The following RPS6KA2 variants were observed in gnomAD, a reference collection of about 807,000 sequenced individuals.
The protein encoded by RPS6KA2 is ribosomal protein S6 kinase A2.
RPS6KA2 carries 42 observed loss-of-function variants against 91.8 expected under a neutral mutation model. The observed-to-expected ratio is 0.46, with a 90% CI of 0.36 to 0.59. The LOEUF is 0.59. Ranked by LOEUF, RPS6KA2 falls within the 20% of genes least tolerant of loss-of-function variation. The pLI is 0.00. For missense variants in RPS6KA2, 798 were observed against 978.5 expected, an observed-to-expected ratio of 0.82 and a Z score of 2.46; for synonymous variants, 414 against 393.6, an observed-to-expected ratio of 1.05 and a Z score of -0.61.
chr6:166,829,756 G>A (rs2128625985), intron 2 of RPS6KA2, among the ~76,000 whole-genome samples: 1 of 152,218 alleles, frequency 6.6e-6, no homozygotes, highest in East Asian at 1.9e-4. Flanking sequence ...CAGCAGACGA[G>A]TGGAAGAACA....
At chr6:166,506,102 T>C (rs1379762192) in intron 5 of RPS6KA2, among the ~76,000 whole-genome samples, 1 of 152,000 alleles carries the variant, frequency 6.6e-6, no homozygotes, top group Non-Finnish European at 1.5e-5. Context: ...ACTTGCTAAA[T>C]GACGACCCAA....
At chr6:166,791,828 A>T (rs1779098349) in intron 2 of RPS6KA2, among the ~76,000 whole-genome samples, 1 of 151,776 alleles carries the variant, frequency 6.6e-6, no homozygotes, top group Non-Finnish European at 1.5e-5. Flanking sequence ...GAGAACAAAG[A>T]CACAACATAC....
intron 2 of RPS6KA2, among the ~76,000 whole-genome samples, chr6:166,817,440 G>C (rs925246105): frequency 6.6e-6 from 1 of 152,014 alleles, no homozygotes. Flanking sequence ...TAAAACAGTA[G>C]AGCAGAAACA....
intron 10 of RPS6KA2, among the ~76,000 whole-genome samples, chr6:166,474,833 G>T (rs1226470057): frequency 6.6e-6 from 1 of 152,058 alleles, no homozygotes; most frequent in African/African-American, 2.4e-5. Flanking sequence ...ACCCACAACC[G>T]CGAGCCTCTC....
At chr6:166,496,675 C>G (rs778994191) in intron 8 of RPS6KA2, among the ~76,000 whole-genome samples, 2 of 152,160 alleles carry the variant, frequency 1.3e-5, no homozygotes, top group African/African-American at 4.8e-5. Flanking sequence ...AAGGCTGGCC[C>G]GCAGTACTGC....
chr6:166,552,977 G>A (rs1449781603), intron 1 of RPS6KA2, among the ~76,000 whole-genome samples: 4 of 152,204 alleles, frequency 2.6e-5, no homozygotes, highest in African/African-American at 4.8e-5. Flanking sequence ...CTAGGTTTTA[G>A]TAACAGCTTG....
At chr6:166,818,384 A>G (rs1005511808) in intron 2 of RPS6KA2, among the ~76,000 whole-genome samples, 123 of 152,118 alleles carry the variant, frequency 8.1e-4, no homozygotes, top group African/African-American at 2.9e-3. Context: ...TCCTCATGTT[A>G]GAATCAGATT....
At chr6:166,541,770 A>C (rs1313257383) in intron 1 of RPS6KA2, among the ~76,000 whole-genome samples, 1 of 152,206 alleles carries the variant, frequency 6.6e-6, no homozygotes, top group East Asian at 1.9e-4. Flanking sequence ...CAGATATCTC[A>C]TAACATTTCA....
In RPS6KA2 at chr6:166,554,059, GTA is replaced by G. The variant is rs893987493; in HGVS notation, c.100-15277_100-15276del. Among the ~76,000 whole-genome samples, 20 of 152,286 alleles carry G rather than the reference GTA, an allele frequency of 1.3e-4. No homozygotes were observed. In the East Asian group the frequency reaches 3.1e-3, roughly 24 times the overall value. ...GGAAACTGCACCAAACCCTGTGTGTGTATCTGTCTATCTGTCTGTCCAGGCAA... is the reference window on the plus strand; with the variant it reads ...GGAAACTGCACCAAACCCTGTGTGTGTCTGTCTATCTGTCTGTCCAGGCAA... On this transcript the variant is annotated intron_variant, in intron 1 of 20. Transcript: ENST00000265678. This position sits in a 1 kb window ranked among gnomAD's most constrained non-coding sequence, Gnocchi z 4.3.
In RPS6KA2 at chr6:166,796,149, A is replaced by G. The variant is rs1444490613; in HGVS notation, c.123+62051T>C. ...TAATTCCCTCCTCGGGGAGACTTCTATTCCTAGCGGGGAGACTAAAAGTAA... is the reference window on the plus strand; with the variant it reads ...TAATTCCCTCCTCGGGGAGACTTCTGTTCCTAGCGGGGAGACTAAAAGTAA... On this transcript the variant is annotated intron_variant, in intron 2 of 21. Transcript: ENST00000503859. 2.0e-5 allele frequency among the ~76,000 whole-genome samples: 3 copies of G among 152,340 alleles called. No homozygotes were observed. In the South Asian group the frequency reaches 6.2e-4, roughly 32 times the overall value.
rs969235029 is a variant in RPS6KA2 at position 166,726,437 on chromosome 6, G to T, written c.123+131763C>A. Among the ~76,000 whole-genome samples the T allele has an allele frequency of 6.6e-6, 1 of 152,194 alleles. No homozygotes were observed. The highest frequency in any genetic ancestry group is 1.5e-5 in the Non-Finnish European group (1 of 68,028). The stretch of plus-strand genomic sequence containing the variant: ...GCAAACTCTTAGTCACCTCCCGAGA[G>T]CCCAGACCCTGTAGCAGAGGCTTCT... On this transcript the variant is annotated intron_variant, in intron 2 of 21. Transcript: ENST00000503859. This position sits in a 1 kb window ranked among gnomAD's most constrained non-coding sequence, Gnocchi z 4.4.
At chr6:166,742,811 C>T (rs940992194) in intron 2 of RPS6KA2, among the ~76,000 whole-genome samples, 1 of 152,208 alleles carries the variant, frequency 6.6e-6, no homozygotes, top group African/African-American at 2.4e-5. Flanking sequence ...GTGAATGGAG[C>T]ACTCTGTGTC....
At chr6:166,702,541 C>T in intron 2 of RPS6KA2, 2 of 1,444,868 alleles carry the variant, frequency 1.4e-6, no homozygotes, top group South Asian at 1.1e-5. Flanking sequence ...CTGGACTAGT[C>T]AACTATCCAG....
At chr6:166,778,214 C>T (rs1778675737) in intron 2 of RPS6KA2, among the ~76,000 whole-genome samples, 1 of 152,190 alleles carries the variant, frequency 6.6e-6, no homozygotes, top group African/African-American at 2.4e-5. Flanking sequence ...ACCTGCCTGC[C>T]TCTGTGTGGG....
rs1215323825 is a variant in RPS6KA2 at position 166,662,625 on chromosome 6, G to T, written c.124-123841C>A. 6.6e-6 allele frequency among the ~76,000 whole-genome samples: 1 copy of T among 152,134 alleles called. No homozygotes were observed. The highest frequency in any genetic ancestry group is 1.5e-5 in the Non-Finnish European group (1 of 68,034). ...GACACAGATTCAGATATAGTGTTGGGAGTATATGAATTTGACTTGTGTATC... is the reference window on the plus strand; with the variant it reads ...GACACAGATTCAGATATAGTGTTGGTAGTATATGAATTTGACTTGTGTATC... On this transcript the variant is annotated intron_variant, in intron 2 of 21. Transcript: ENST00000503859. The surrounding 1 kb of genome is among the most constrained non-coding windows in gnomAD (Gnocchi z 4.3).
chr6:166,852,372 T>G lies in RPS6KA2; in HGVS notation c.123+5828A>C, dbSNP rs1780766926. Among the ~76,000 whole-genome samples the G allele has an allele frequency of 6.6e-6, 1 of 152,256 alleles. No homozygotes were observed. The highest frequency in any genetic ancestry group is 2.4e-5 in the African/African-American group (1 of 41,482). On this transcript the variant is annotated intron_variant, in intron 2 of 21. Coordinates refer to the RPS6KA2 transcript ENST00000503859. This position sits in a 1 kb window ranked among gnomAD's most constrained non-coding sequence, Gnocchi z 4.1. ...TGCTCTTAATTGCTTCATTAGTGCC[T>G]GGGCTTCATTATTCACCTTGTCTCA...
At chr6:166,515,570 G>A (rs371405440) in intron 3 of RPS6KA2, among the ~76,000 whole-genome samples, 24 of 152,302 alleles carry the variant, frequency 1.6e-4, no homozygotes, top group African/African-American at 4.6e-4. Flanking sequence ...CAGCATCGGC[G>A]TGACGTCATT....
At chr6:166,839,614 T>A (rs1037119682) in intron 2 of RPS6KA2, among the ~76,000 whole-genome samples, 1 of 138,592 alleles carries the variant, frequency 7.2e-6, no homozygotes, top group Non-Finnish European at 1.5e-5. Context: ...GGTTCACCAA[T>A]GTAAAAATAG....
chr6:166,468,339 G>T (rs1240345969), intron 11 of RPS6KA2, among the ~76,000 whole-genome samples: 2 of 152,226 alleles, frequency 1.3e-5, no homozygotes, highest in African/African-American at 2.4e-5. Context: ...CTTTCGAAAA[G>T]AAGTCTAATC....
Sources: gnomAD v4.1 joint callset for allele counts (sites outside exome capture counted in the v4.1 genomes callset) on GRCh38, gnomAD v4.1.1 for gene constraint, Gnocchi (gnomAD v3.1) non-coding constraint, MANE v1.5 for transcripts, NCBI Gene and HGNC (gene_info 2026-07-23, HGNC 2026-07-21) for gene names.